MCM3AP: variants seen among roughly 807,000 people sequenced by gnomAD.
MCM3AP encodes minichromosome maintenance complex component 3 associated protein, also known as germinal-center associated nuclear protein.
Under a neutral mutation model 184.1 loss-of-function variants are expected in MCM3AP, and 126 were observed. That is an observed-to-expected ratio of 0.68 (90% confidence interval 0.59 to 0.79). The LOEUF (loss-of-function observed/expected upper bound fraction) is 0.79, where lower values mean the gene tolerates loss of function less well. Among genes scored for constraint, MCM3AP ranks in the 30% least tolerant of loss-of-function variants. The pLI is 0.00. For synonymous variants in MCM3AP, 1,002 were observed against 979.3 expected (o/e 1.02, Z -0.43); for missense variants, 2,496 against 2,479.2 (o/e 1.01, Z -0.14).
At position 46,280,479 on chromosome 21, in the gene MCM3AP, G is replaced by T. The variant is rs2081318116; in HGVS notation, c.1522+18C>A. ...AAATAATTTTTTTAAAAAGTGAAAA[G>T]AATAATTGAAAACTCACTTATTTTC... On this transcript the variant is annotated intron_variant, in intron 3 of 27. Transcript: ENST00000291688. 1 of 1,539,182 alleles carries T rather than the reference G, an allele frequency of 6.5e-7. No homozygotes were observed. Among genetic ancestry groups the T allele is most frequent in the Non-Finnish European group, 8.9e-7 (1 of 1,121,226 alleles).
chr21:46,281,891 G>T (rs2081337996), intron 2 of MCM3AP, among the ~76,000 whole-genome samples: 1 of 152,054 alleles, frequency 6.6e-6, no homozygotes, highest in African/African-American at 2.4e-5. Flanking sequence ...CCAGCTACTT[G>T]GGAGGCTGAG....
At chr21:46,257,007 C>G (rs2080963026) in intron 16 of MCM3AP, 21 bp from the exon 17 acceptor site, 5 of 1,602,556 alleles carry the variant, frequency 3.1e-6, no homozygotes, top group Non-Finnish European at 4.3e-6. Flanking sequence ...GAAAATGTAT[C>G]ATCACAGAGT....
At chr21:46,235,597 G>A (rs900585177) in intron 27 of MCM3AP, 171 bp from the exon 28 acceptor site, 15 of 607,688 alleles carry the variant, frequency 2.5e-5, no homozygotes, top group African/African-American at 1.3e-4. Context: ...CATTTAGCTC[G>A]TACATTCAGC....
chr21:46,243,339 C>A, intron 24 of MCM3AP, 126 bp downstream of exon 24: 1 of 1,165,094 alleles, frequency 8.6e-7, no homozygotes, highest in Non-Finnish European at 1.2e-6. Context: ...AGAGGGAAGT[C>A]CTAAGGAAAG....
intron 15 of MCM3AP, 64 bp downstream of exon 15, chr21:46,260,729 C>T (rs540680637): frequency 3.4e-6 from 4 of 1,184,354 alleles, no homozygotes; most frequent in East Asian, 2.3e-5. Context: ...TGGTGCAAGA[C>T]ACAGCCTAGG....
intron 26 of MCM3AP, 21 bp downstream of exon 26, chr21:46,240,790 T>A: frequency 6.2e-7 from 1 of 1,608,314 alleles, no homozygotes. Context: ...CACACATGAA[T>A]TAGAAGGAAG....
At chr21:46,279,835 G>C (rs912932303) in intron 4 of MCM3AP, among the ~76,000 whole-genome samples, 158 bp downstream of exon 4, 1 of 152,110 alleles carries the variant, frequency 6.6e-6, no homozygotes, top group Non-Finnish European at 1.5e-5. Flanking sequence ...GCTGGCAGGA[G>C]GGGCAGAGCC....
At chr21:46,255,284 C>T (rs1214162704) in intron 17 of MCM3AP, among the ~76,000 whole-genome samples, 1 of 152,132 alleles carries the variant, frequency 6.6e-6, no homozygotes, top group Non-Finnish European at 1.5e-5. Context: ...ATGGCTATGC[C>T]AGGCCATAGC....
rs17176198 is a variant in MCM3AP, at chr21:46,281,816, G to A, written c.1444-1241C>T. 8.2e-3 allele frequency among the ~76,000 whole-genome samples: 1,249 copies of A among 151,504 alleles called. 24 individuals are homozygous for A. The highest frequency in any genetic ancestry group is 0.029 in the African/African-American group (1,192 of 41,276). On this transcript the variant is annotated intron_variant, in intron 2 of 27. Coordinates refer to ENST00000291688, the MANE Select transcript of MCM3AP (RefSeq NM_003906.5). ...GGAGTTCGAGACCAGCCTGGCCAAC[G>A]TGGTGAAACCCCCTCTCCACTAAAA... is the stretch of plus-strand genomic sequence containing the variant.
chr21:46,282,896 G>A (rs951799705), intron 2 of MCM3AP, among the ~76,000 whole-genome samples: 2 of 152,096 alleles, frequency 1.3e-5, no homozygotes, highest in South Asian at 2.1e-4. Context: ...TATCTCTAGA[G>A]GACAGACTGA....
intron 20 of MCM3AP, chr21:46,251,247 TAA>T (rs17176765): frequency 0.017 from 4,156 of 246,134 alleles, 46 homozygotes; most frequent in Non-Finnish European, 0.026. Context: ...CCTCATTTTT[TAA>T]AAGTTTTGTG....
chr21:46,285,206 A>T lies in MCM3AP; in HGVS notation c.81T>A (p.Ser27=). The T allele has an allele frequency of 6.2e-7, 1 of 1,614,270 alleles. No individual in the cohort carries two copies. The highest frequency in any genetic ancestry group is 2.2e-5 in the East Asian group (1 of 44,892). The change falls in exon 1 of 28, where the codon TCT becomes TCA. Residue 27 remains serine, a synonymous_variant. Transcript: ENST00000291688. Reference sequence around the variant, plus strand: ...GTTGACCAAATCGAAATGGCGGCTTAGATGGAAGTGTTCCTACATTACTAG... The same window carrying T: ...GTTGACCAAATCGAAATGGCGGCTTTGATGGAAGTGTTCCTACATTACTAG... ...ASSSNVGTLP[S]KPPFRFGQPS... is the part of the protein sequence containing the mutation.
chr21:46,246,251 C>CA, intron 22 of MCM3AP, 56 bp downstream of exon 22: 1 of 1,103,930 alleles, frequency 9.1e-7, no homozygotes, highest in Non-Finnish European at 1.4e-6. Context: ...CAAGATACAG[C>CA]AAAAGGGGAA....
chr21:46,244,053 C>T (rs1268436123), intron 23 of MCM3AP, among the ~76,000 whole-genome samples: 1 of 152,196 alleles, frequency 6.6e-6, no homozygotes, highest in African/African-American at 2.4e-5. Context: ...GGAACCCCAA[C>T]CTAACCAGAG....
chr21:46,239,849 A>C (rs1000546458), intron 26 of MCM3AP, among the ~76,000 whole-genome samples: 4 of 151,880 alleles, frequency 2.6e-5, no homozygotes, highest in Admixed American at 6.6e-5. Context: ...CAGGAGGGGG[A>C]CCACGGACAT....
At chr21:46,251,449 T>C (rs2080866691) in intron 20 of MCM3AP, 80 bp downstream of exon 20, 2 of 1,226,740 alleles carry the variant, frequency 1.6e-6, no homozygotes, top group Admixed American at 4.0e-5. Context: ...ATAAGCAGTA[T>C]TTGCATGGTT....
chr21:46,247,385 TTTTA>T (rs1227346316), intron 20 of MCM3AP, among the ~76,000 whole-genome samples: 7 of 152,102 alleles, frequency 4.6e-5, no homozygotes, highest in South Asian at 4.1e-4. Context: ...TTTATTTTAT[TTTTA>T]TTTATTTATT....
At chr21:46,278,985 T>C (rs2081290538) in intron 4 of MCM3AP, among the ~76,000 whole-genome samples, 1 of 145,644 alleles carries the variant, frequency 6.9e-6, no homozygotes, top group African/African-American at 2.6e-5. Flanking sequence ...AGACAGCTCT[T>C]CAGGAAAAAA....
chr21:46,236,754 A>G (rs1024055596), intron 27 of MCM3AP, 75 bp downstream of exon 27: 12 of 989,894 alleles, frequency 1.2e-5, no homozygotes, highest in Non-Finnish European at 1.8e-5. Context: ...ATAAATCGTG[A>G]TATTACTTTT....
Sources: gnomAD v4.1 joint callset for allele counts (sites outside exome capture counted in the v4.1 genomes callset) on GRCh38, gnomAD v4.1.1 for gene constraint, MANE v1.5 for transcripts, NCBI Gene and HGNC (gene_info 2026-07-23, HGNC 2026-07-21) for gene names.